Variants in ANKRD55 observed in about 807,000 individuals in gnomAD.
ANKRD55 encodes ankyrin repeat domain 55, also known as ankyrin repeat domain-containing protein 55.
ANKRD55 carries 41 observed loss-of-function variants against 60.6 expected under a neutral mutation model. The ratio of observed to expected loss-of-function variants is 0.68; its 90% CI spans 0.53 to 0.88. The LOEUF is 0.88. ANKRD55 is among the 40% of genes least tolerant of loss of function. The probability of loss-of-function intolerance (pLI) is 0.00; values close to 1 mark genes in which losing one functional copy is unlikely to be tolerated. For synonymous variants in ANKRD55, 264 were observed against 290.3 expected (o/e 0.91, Z 0.92); for missense variants, 732 against 767.6 (o/e 0.95, Z 0.55).
At chr5:56,134,626 T>G (rs1446017522) in intron 7 of ANKRD55, among the ~76,000 whole-genome samples, 1 of 151,840 alleles carries the variant, frequency 6.6e-6, no homozygotes, top group African/African-American at 2.4e-5. Flanking sequence ...TTAATAACCT[T>G]CTAAAATGGA....
intron 3 of ANKRD55, among the ~76,000 whole-genome samples, chr5:56,178,720 C>G (rs1445689171): frequency 6.6e-6 from 1 of 151,536 alleles, no homozygotes; most frequent in Admixed American, 6.6e-5. Flanking sequence ...AAAAGAAGAA[C>G]TAAACATGGG....
At position 56,143,663 on chromosome 5, in the gene ANKRD55, C is replaced by T. The variant is rs1320646758; in HGVS notation, c.612+138G>A. 4 of 1,247,728 alleles carry T rather than the reference C, an allele frequency of 3.2e-6. No individual in the cohort carries two copies. The African/African-American group carries it at 4.5e-5, about 14-fold the overall frequency. 77.3% of individuals were successfully genotyped at this position (1,247,728 alleles called of 1,614,324 possible). A position where few individuals can be genotyped will look rare whatever the true frequency, so the allele number is the denominator to read the frequency against. ...ATAACTACTCCCCTTTGCATCTTGG[C>T]AGGGTTTCTTTTCAACAAGTGGTGG... On this transcript the variant is annotated intron_variant, in intron 7 of 11. Transcript: ENST00000341048.
chr5:56,124,832 C>A (rs1757192080), intron 8 of ANKRD55, among the ~76,000 whole-genome samples: 1 of 152,028 alleles, frequency 6.6e-6, no homozygotes, highest in African/African-American at 2.4e-5. Flanking sequence ...TTAACAGAAG[C>A]TTATAGCTTC....
At chr5:56,167,904 G>A (rs73128438) in intron 5 of ANKRD55, among the ~76,000 whole-genome samples, 6,189 of 152,270 alleles carry the variant, frequency 0.041, 338 homozygotes, top group East Asian at 0.2. Flanking sequence ...TTATTGCAGT[G>A]ATTTCAGAGA....
At chr5:56,162,412 A>T (rs1249758850) in intron 5 of ANKRD55, among the ~76,000 whole-genome samples, 1 of 152,174 alleles carries the variant, frequency 6.6e-6, no homozygotes, top group East Asian at 1.9e-4. Context: ...CGATGGGGGA[A>T]CTGGCAGGAG....
intron 2 of ANKRD55, chr5:56,193,005 A>G: frequency 2.1e-6 from 2 of 958,486 alleles, no homozygotes; most frequent in Non-Finnish European, 3.0e-6. Context: ...CCTTTTCAGT[A>G]TGTTCATGAA....
intron 2 of ANKRD55, among the ~76,000 whole-genome samples, chr5:56,196,765 T>C (rs1759237630): frequency 6.6e-6 from 1 of 152,238 alleles, no homozygotes; most frequent in African/African-American, 2.4e-5. Flanking sequence ...GCCTAGGATG[T>C]TGTTAAAATG....
chr5:56,128,967 G>A (rs549400818), intron 7 of ANKRD55, among the ~76,000 whole-genome samples: 1 of 152,316 alleles, frequency 6.6e-6, no homozygotes, highest in African/African-American at 2.4e-5. Flanking sequence ...AGTGACGTGT[G>A]CCTCACCAAC....
chr5:56,107,336 A>T (rs923264900), intron 10 of ANKRD55, among the ~76,000 whole-genome samples: 5 of 152,202 alleles, frequency 3.3e-5, no homozygotes, highest in Non-Finnish European at 4.4e-5. Context: ...GGCAGATTCC[A>T]TTGGAGAAAT....
At chr5:56,165,364 G>C (rs1758421606) in intron 5 of ANKRD55, among the ~76,000 whole-genome samples, 1 of 152,202 alleles carries the variant, frequency 6.6e-6, no homozygotes, top group Non-Finnish European at 1.5e-5. Context: ...TGAGTGTGCT[G>C]AGGTGAAGAA....
chr5:56,176,266 C>G lies in ANKRD55; in HGVS notation c.198G>C (p.Met66Ile). The change falls in exon 4 of 12, where the codon ATG becomes ATC. Residue 66 changes from methionine (M) to isoleucine (I), a missense_variant. By Grantham distance (10) the Met-to-Ile change is conservative. Transcript: ENST00000341048. ...CCDSEGCTPL[M>I]HAVSGRQADT... Reference sequence around the variant, plus strand: ...CCGCTTGACGTCCAGAAACCGCATGCATCAAGGGCGTGCATCCTGGAATGA... The same window carrying G: ...CCGCTTGACGTCCAGAAACCGCATGGATCAAGGGCGTGCATCCTGGAATGA... 1 of 1,614,198 alleles carries G rather than the reference C, an allele frequency of 6.2e-7. No individual in the cohort carries two copies. Among genetic ancestry groups the G allele is most frequent in the Non-Finnish European group, 8.5e-7 (1 of 1,180,044 alleles).
chr5:56,231,652 C>T (rs71624125), intron 2 of ANKRD55, among the ~76,000 whole-genome samples: 48 of 66,642 alleles, frequency 7.2e-4, no homozygotes, highest in South Asian at 5.5e-3. Context: ...TCTGAAGGCG[C>T]GCACACACAC....
chr5:56,126,147 A>C (rs1304383611), intron 8 of ANKRD55, among the ~76,000 whole-genome samples: 1 of 152,010 alleles, frequency 6.6e-6, no homozygotes, highest in Non-Finnish European at 1.5e-5. Flanking sequence ...AAAATAGATA[A>C]AATAAAATAA....
At chr5:56,130,389 G>A (rs570365536) in intron 7 of ANKRD55, among the ~76,000 whole-genome samples, 2 of 152,282 alleles carry the variant, frequency 1.3e-5, no homozygotes, top group East Asian at 3.9e-4. Flanking sequence ...TAGCTATCCT[G>A]TCCCACCTAA....
chr5:56,202,524 T>C (rs1759403024), intron 2 of ANKRD55, among the ~76,000 whole-genome samples: 1 of 152,204 alleles, frequency 6.6e-6, no homozygotes, highest in Non-Finnish European at 1.5e-5. Context: ...AAGAGTGTTT[T>C]AGAAAGTGTC....
chr5:56,135,288 C>T (rs7714609), intron 7 of ANKRD55, among the ~76,000 whole-genome samples: 28,308 of 91,836 alleles, frequency 0.31, 5,595 homozygotes, highest in African/African-American at 0.55. Context: ...CCCTGCCTGC[C>T]TGCTTGCTTT....
At chr5:56,222,059 C>T (rs1244433367) in intron 2 of ANKRD55, among the ~76,000 whole-genome samples, 1 of 152,206 alleles carries the variant, frequency 6.6e-6, no homozygotes, top group African/African-American at 2.4e-5. Context: ...CAAGTGGGTC[C>T]CTGACCCCCG....
chr5:56,136,091 G>A (rs1422667566), intron 7 of ANKRD55, among the ~76,000 whole-genome samples: 1 of 152,052 alleles, frequency 6.6e-6, no homozygotes, highest in Non-Finnish European at 1.5e-5. Flanking sequence ...TATGGTAAGG[G>A]TAAGAGCAAA....
chr5:56,166,201 C>CCT (rs759875553), intron 5 of ANKRD55, among the ~76,000 whole-genome samples: 3,009 of 117,014 alleles, frequency 0.026, 189 homozygotes, highest in African/African-American at 0.05. Context: ...TTCCTTCCTT[C>CCT]TCTCTCTCTC....
Sources: gnomAD v4.1 joint callset for allele counts (sites outside exome capture counted in the v4.1 genomes callset) on GRCh38, gnomAD v4.1.1 for gene constraint, MANE v1.5 for transcripts, NCBI Gene and HGNC (gene_info 2026-07-23, HGNC 2026-07-21) for gene names.